SCAND3: variants seen among roughly 807,000 people sequenced by gnomAD.
The protein encoded by SCAND3 is SCAN domain containing 3, also known as SCAN domain-containing protein 3.
chr6:28,610,162 TC>T, the SCAND3 span, among the ~76,000 whole-genome samples: 2 of 152,104 alleles, frequency 1.3e-5, no homozygotes, highest in East Asian at 3.9e-4. Flanking sequence ...AAGGCTTTTT[TC>T]CCCCCAGGTT....
chr6:28,609,035 T>C, the SCAND3 span, among the ~76,000 whole-genome samples: 1 of 152,196 alleles, frequency 6.6e-6, no homozygotes, highest in Non-Finnish European at 1.5e-5. Flanking sequence ...GTTCATGGTA[T>C]GTATTCCCAT....
the SCAND3 span, chr6:28,575,016 G>A: frequency 6.2e-7 from 1 of 1,613,848 alleles, no homozygotes; most frequent in Non-Finnish European, 8.5e-7. The surrounding 1 kb of genome is among the most constrained non-coding windows in gnomAD (Gnocchi z 4.2). Flanking sequence ...CTTCATACTG[G>A]GCTCTTAAAG....
the SCAND3 span, among the ~76,000 whole-genome samples, chr6:28,602,288 A>G: frequency 3.2e-4 from 49 of 152,160 alleles, no homozygotes; most frequent in South Asian, 6.6e-3. Flanking sequence ...CAGCTCACTG[A>G]AACCTTGGCC....
At chr6:28,598,834 AC>A in the SCAND3 span, among the ~76,000 whole-genome samples, 1 of 144,702 alleles carries the variant, frequency 6.9e-6, no homozygotes, top group Non-Finnish European at 1.5e-5. Context: ...CTGAGATCAC[AC>A]CACTGCACTC....
chr6:28,573,093 AAAG>A, the SCAND3 span: 1 of 1,608,154 alleles, frequency 6.2e-7, no homozygotes, highest in Non-Finnish European at 8.5e-7. Flanking sequence ...AGGCTGAAAA[AAAG>A]AACTCTTCCT....
chr6:28,613,589 T>C, the SCAND3 span, among the ~76,000 whole-genome samples: 3 of 152,204 alleles, frequency 2.0e-5, no homozygotes, highest in African/African-American at 7.2e-5. Context: ...CAGGCACATG[T>C]AATGCTTAGA....
At chr6:28,594,323 A>G in the SCAND3 span, 1 of 152,250 alleles carries the variant, frequency 6.6e-6, no homozygotes, top group South Asian at 2.1e-4. Flanking sequence ...CAAGACATGG[A>G]ATCAACCTAA....
chr6:28,609,413 C>T, the SCAND3 span, among the ~76,000 whole-genome samples: 742 of 152,282 alleles, frequency 4.9e-3, 10 homozygotes, highest in African/African-American at 0.017. Context: ...AAAGCTAACA[C>T]ATGAAGGAAA....
the SCAND3 span, chr6:28,573,235 A>T: frequency 1.2e-6 from 2 of 1,614,102 alleles, no homozygotes; most frequent in Non-Finnish European, 8.5e-7. Flanking sequence ...TTGATCTTCC[A>T]TATCATTAGC....
chr6:28,610,698 G>T, the SCAND3 span, among the ~76,000 whole-genome samples: 2 of 152,178 alleles, frequency 1.3e-5, no homozygotes, highest in Non-Finnish European at 2.9e-5. Context: ...AGATTCTACA[G>T]TATATAGTAT....
At chr6:28,574,500 A>G in the SCAND3 span, 4 of 721,086 alleles carry the variant, frequency 5.5e-6, no homozygotes, top group Non-Finnish European at 9.3e-6. Flanking sequence ...AGAAGCATTA[A>G]AAGTAATTAG....
At chr6:28,609,584 C>G in the SCAND3 span, among the ~76,000 whole-genome samples, 1 of 152,150 alleles carries the variant, frequency 6.6e-6, no homozygotes, top group Non-Finnish European at 1.5e-5. Flanking sequence ...TATAACACAT[C>G]CAGGTCACAA....
the SCAND3 span, among the ~76,000 whole-genome samples, chr6:28,604,541 G>C: frequency 1.3e-5 from 2 of 151,446 alleles, no homozygotes; most frequent in African/African-American, 4.9e-5. Context: ...GCTTGAGCCC[G>C]GGACGCAGAG....
chr6:28,572,884 T>C, the SCAND3 span: 22 of 1,613,962 alleles, frequency 1.4e-5, no homozygotes, highest in East Asian at 1.3e-4. This position sits in a 1 kb window ranked among gnomAD's most constrained non-coding sequence, Gnocchi z 4.1. Flanking sequence ...ACTTTCTCGA[T>C]GAATGAAGCA....
At chr6:28,610,832 C>A in the SCAND3 span, among the ~76,000 whole-genome samples, 1 of 152,072 alleles carries the variant, frequency 6.6e-6, no homozygotes, top group Non-Finnish European at 1.5e-5. Context: ...TGTAATCTTG[C>A]TTTTTTTGGG....
At chr6:28,573,852 A>G in the SCAND3 span, 1 of 1,498,512 alleles carries the variant, frequency 6.7e-7, no homozygotes, top group Non-Finnish European at 8.8e-7. Context: ...AAAAGTAAAT[A>G]ATATGAATTT....
At chr6:28,600,463 T>C in the SCAND3 span, among the ~76,000 whole-genome samples, 2 of 152,050 alleles carry the variant, frequency 1.3e-5, no homozygotes, top group Non-Finnish European at 2.9e-5. Context: ...CAAACCCCCA[T>C]CACTACTAAA....
chr6:28,603,165 C>T, the SCAND3 span, among the ~76,000 whole-genome samples: 4 of 151,858 alleles, frequency 2.6e-5, no homozygotes, highest in African/African-American at 9.7e-5. Context: ...GGGGTTTCAC[C>T]GTGTTAGCCA....
chr6:28,573,916 A>C, the SCAND3 span: 3 of 1,352,508 alleles, frequency 2.2e-6, no homozygotes, highest in Non-Finnish European at 2.9e-6. Flanking sequence ...ACTAGATTTG[A>C]TTAAAATAAA....
Sources: allele counts gnomAD v4.1 joint callset (sites outside exome capture counted in the v4.1 genomes callset), GRCh38; gene constraint gnomAD v4.1.1; non-coding constraint Gnocchi (gnomAD v3.1); transcripts MANE v1.5; gene names NCBI Gene and HGNC (gene_info 2026-07-23, HGNC 2026-07-21).